Variants in GALNTL6 observed in about 807,000 individuals in gnomAD.
GALNTL6 encodes the protein polypeptide N-acetylgalactosaminyltransferase-like 6.
A neutral mutation model predicts 73.7 loss-of-function variants in GALNTL6; 46 were observed. The ratio of observed to expected loss-of-function variants is 0.62; its 90% CI spans 0.49 to 0.80. The LOEUF (loss-of-function observed/expected upper bound fraction) is 0.80, where lower values mean the gene tolerates loss of function less well. Ranked by LOEUF, GALNTL6 falls within the 30% of genes least tolerant of loss-of-function variation. The probability of loss-of-function intolerance (pLI) is 0.00; values close to 1 mark genes in which losing one functional copy is unlikely to be tolerated. For synonymous variants in GALNTL6, 259 were observed against 263.7 expected, an observed-to-expected ratio of 0.98 and a Z score of 0.17; for missense variants, 604 against 755.0, an observed-to-expected ratio of 0.80 and a Z score of 2.34.
Position 172,611,235 on chromosome 4 carries a change from G to C in GALNTL6, c.554-198126G>C, listed in dbSNP as rs75722250. 1.4e-3 allele frequency among the ~76,000 whole-genome samples: 207 copies of C among 152,074 alleles called. 1 individual carries two copies. Among genetic ancestry groups the C allele is most frequent in the Admixed American group, 7.7e-3 (118 of 15,250 alleles). On this transcript the variant is annotated intron_variant, in intron 5 of 12. Coordinates refer to ENST00000506823, the MANE Select transcript of GALNTL6 (RefSeq NM_001034845.3). ...GATCTTGTCATTATGATGTTAGCTG[G>C]TTATAATGCAGACTTGATTGCATAG...
intron 2 of GALNTL6, among the ~76,000 whole-genome samples, chr4:172,150,838 G>C (rs35657176): frequency 6.6e-6 from 1 of 152,148 alleles, no homozygotes; most frequent in South Asian, 2.1e-4. Context: ...ATGTCTTATA[G>C]TACAATGTAA....
chr4:172,584,798 T>G (rs1335073099), intron 5 of GALNTL6, among the ~76,000 whole-genome samples: 1 of 152,160 alleles, frequency 6.6e-6, no homozygotes, highest in Non-Finnish European at 1.5e-5. Flanking sequence ...CGGCTGTGAA[T>G]AGAGGTTTGG....
At chr4:172,351,694 T>A (rs1436098521) in intron 5 of GALNTL6, among the ~76,000 whole-genome samples, 1 of 152,132 alleles carries the variant, frequency 6.6e-6, no homozygotes, top group Non-Finnish European at 1.5e-5. Context: ...ACCAACTCTT[T>A]AAAAATCAGA....
chr4:172,706,582 T>C (rs1025952211), intron 5 of GALNTL6, among the ~76,000 whole-genome samples: 3 of 152,174 alleles, frequency 2.0e-5, no homozygotes, highest in Non-Finnish European at 4.4e-5. Flanking sequence ...TGCCTTGGTC[T>C]TTCCAGAGTA....
At chr4:172,742,491 T>C (rs771669540) in intron 5 of GALNTL6, among the ~76,000 whole-genome samples, 1 of 151,648 alleles carries the variant, frequency 6.6e-6, no homozygotes, top group Non-Finnish European at 1.5e-5. Flanking sequence ...AACACAATTA[T>C]TGTGTCTTCA....
At chr4:172,173,275 G>A (rs1378063942) in intron 2 of GALNTL6, among the ~76,000 whole-genome samples, 4 of 152,218 alleles carry the variant, frequency 2.6e-5, no homozygotes, top group African/African-American at 9.6e-5. Context: ...GACTTTTAAA[G>A]TGAGTCTTAA....
At chr4:171,869,323 A>C (rs1736070501) in intron 2 of GALNTL6, among the ~76,000 whole-genome samples, 1 of 152,206 alleles carries the variant, frequency 6.6e-6, no homozygotes, top group Non-Finnish European at 1.5e-5. Flanking sequence ...GAGCTAAACA[A>C]AATGAATAAT....
chr4:172,625,549 G>A (rs1450727936), intron 5 of GALNTL6, among the ~76,000 whole-genome samples: 2 of 152,042 alleles, frequency 1.3e-5, no homozygotes, highest in African/African-American at 4.8e-5. Flanking sequence ...CCAGTAATAA[G>A]ATTGCTGGGT....
At chr4:172,486,525 G>C (rs1733675721) in intron 5 of GALNTL6, among the ~76,000 whole-genome samples, 1 of 152,146 alleles carries the variant, frequency 6.6e-6, no homozygotes, top group African/African-American at 2.4e-5. Flanking sequence ...ATAAAGTGGG[G>C]CATTAGAAAT....
intron 5 of GALNTL6, among the ~76,000 whole-genome samples, chr4:172,461,253 A>T (rs1164222997): frequency 1.3e-5 from 2 of 152,174 alleles, no homozygotes; most frequent in East Asian, 3.9e-4. Context: ...ATTAGTAGAA[A>T]AACCTAATGT....
At chr4:172,672,596 C>T (rs1282056473) in intron 5 of GALNTL6, among the ~76,000 whole-genome samples, 1 of 152,176 alleles carries the variant, frequency 6.6e-6, no homozygotes, top group Non-Finnish European at 1.5e-5. Context: ...ATGGTATCAG[C>T]TCTTCTTTGT....
chr4:172,567,463 A>G (rs1355805778), intron 5 of GALNTL6, among the ~76,000 whole-genome samples: 1 of 152,222 alleles, frequency 6.6e-6, no homozygotes, highest in Non-Finnish European at 1.5e-5. Context: ...ATTTCACAAA[A>G]CAGCTTGCTT....
At chr4:172,788,572 T>C (rs1176979762) in intron 5 of GALNTL6, among the ~76,000 whole-genome samples, 3 of 146,762 alleles carry the variant, frequency 2.0e-5, no homozygotes, top group Non-Finnish European at 4.4e-5. Context: ...CTCGGGAGGC[T>C]GAGGCAGGAG....
chr4:171,927,238 C>G (rs1011588088), intron 2 of GALNTL6, among the ~76,000 whole-genome samples: 6 of 151,948 alleles, frequency 3.9e-5, no homozygotes, highest in Non-Finnish European at 8.8e-5. Flanking sequence ...TGATAAGATG[C>G]CTTCTTCAAT....
intron 5 of GALNTL6, among the ~76,000 whole-genome samples, chr4:172,368,661 A>G (rs10001281): frequency 0.99 from 150,082 of 151,730 alleles, 74,243 homozygotes; most frequent in East Asian, 1. Flanking sequence ...GGACCCTTGC[A>G]GTGAGTGTTA....
At chr4:172,233,954 T>C (rs1348104679) in intron 3 of GALNTL6, among the ~76,000 whole-genome samples, 1 of 152,062 alleles carries the variant, frequency 6.6e-6, no homozygotes, top group African/African-American at 2.4e-5. Flanking sequence ...GATGGCTTTG[T>C]AATTTTGTTC....
At chr4:172,813,366 C>T (rs991132180) in intron 6 of GALNTL6, among the ~76,000 whole-genome samples, 174 bp from the exon 7 acceptor site, 1 of 152,096 alleles carries the variant, frequency 6.6e-6, no homozygotes, top group African/African-American at 2.4e-5. Flanking sequence ...TAATCGCTGT[C>T]CCATCACATT....
chr4:172,137,594 G>A (rs1026003645), intron 2 of GALNTL6, among the ~76,000 whole-genome samples: 10 of 152,118 alleles, frequency 6.6e-5, no homozygotes, highest in Admixed American at 4.6e-4. Context: ...TAGTGAACAT[G>A]TTAGTAAAAG....
intron 2 of GALNTL6, among the ~76,000 whole-genome samples, chr4:172,120,334 G>A (rs1018494187): frequency 2.0e-5 from 3 of 152,088 alleles, no homozygotes; most frequent in African/African-American, 4.8e-5. Context: ...TAAAACTAAG[G>A]TGCCAGCAGA....
Sources: allele counts gnomAD v4.1 joint callset (sites outside exome capture counted in the v4.1 genomes callset), GRCh38; gene constraint gnomAD v4.1.1; transcripts MANE v1.5; gene names NCBI Gene and HGNC (gene_info 2026-07-23, HGNC 2026-07-21).